The following PPP2R2D variants were observed in gnomAD, a reference collection of about 807,000 sequenced individuals.
The protein encoded by PPP2R2D is protein phosphatase 2 regulatory subunit Bdelta, also known as serine/threonine-protein phosphatase 2A 55 kDa regulatory subunit B delta isoform.
In PPP2R2D, 9 loss-of-function variants were observed where a neutral mutation model predicts 31.1. The observed-to-expected ratio is 0.29, with a 90% CI of 0.17 to 0.51. The LOEUF (loss-of-function observed/expected upper bound fraction) is 0.51. Ranked by LOEUF, PPP2R2D falls within the 20% of genes least tolerant of loss-of-function variation. The pLI is 0.98. For missense variants in PPP2R2D, 391 were observed against 465.6 expected (o/e 0.84, Z 1.48); for synonymous variants, 179 against 172.6 (o/e 1.04, Z -0.29).
rs568754946 is a variant in PPP2R2D at position 131,947,019 on chromosome 10, G to C, written c.821-511G>C. Among the ~76,000 whole-genome samples, 1 of 152,062 alleles carries C rather than the reference G, an allele frequency of 6.6e-6. No individual in the cohort carries two copies. The highest frequency in any genetic ancestry group is 6.6e-5 in the Admixed American group (1 of 15,250). ...CACTCCTGCAGACCCACAAACTGTC[G>C]ACCCTCCAAAAAGCAGGCAGTTTCT... On this transcript the variant is annotated intron_variant, in intron 7 of 8. Transcript: ENST00000455566. The surrounding 1 kb of genome is among the most constrained non-coding windows in gnomAD (Gnocchi z 4.3).
intron 2 of PPP2R2D, among the ~76,000 whole-genome samples, chr10:131,919,846 G>T (rs1554893973): frequency 1.5e-5 from 2 of 136,104 alleles, no homozygotes; most frequent in East Asian, 2.6e-4. Context: ...ACCTCAGGTG[G>T]GTGGAATGAC....
At chr10:131,942,808 T>A (rs954422972) in intron 5 of PPP2R2D, among the ~76,000 whole-genome samples, 5 of 152,226 alleles carry the variant, frequency 3.3e-5, no homozygotes, top group Non-Finnish European at 7.3e-5. Flanking sequence ...ATGGGAAATT[T>A]GTTAGAGGAT....
rs370741632 is a variant in PPP2R2D, at chr10:131,945,306, A to G, written c.667A>G (p.Ile223Val). 9 of 1,613,614 alleles carry G rather than the reference A, an allele frequency of 5.6e-6. No individual in the cohort carries two copies. In the African/African-American group the frequency reaches 9.3e-5, roughly 17 times the overall value. Residue 223 changes from isoleucine (I) to valine (V), a missense_variant, in exon 7 of 9, where the codon ATC becomes GTC. By Grantham distance (29) the Ile-to-Val change is conservative (BLOSUM62 3). Around this residue, in one of 3 missense-constraint regions of PPP2R2D, gnomAD observed 123 missense variants for 187.7 expected, o/e 0.66. Transcript: ENST00000455566. The surrounding 1 kb of genome is among the most constrained non-coding windows in gnomAD (Gnocchi z 4.8). ...CCATGCACTCCCAGACATCGTGGACATCAAGCCTGCTAACATGGAGGAGCT... is the reference window on the plus strand; with the variant it reads ...CCATGCACTCCCAGACATCGTGGACGTCAAGCCTGCTAACATGGAGGAGCT... ...ITDRSFNIVD[I>V]KPANMEELTE...
At chr10:131,918,833 G>GCA (rs2035892104) in intron 2 of PPP2R2D, among the ~76,000 whole-genome samples, 1 of 149,962 alleles carries the variant, frequency 6.7e-6, no homozygotes, top group African/African-American at 2.5e-5. Context: ...GACCTCACGG[G>GCA]GGTGGAATGA....
At chr10:131,965,032 C>G in the PPP2R2D span, among the ~76,000 whole-genome samples, 1 of 152,126 alleles carries the variant, frequency 6.6e-6, no homozygotes, top group Non-Finnish European at 1.5e-5. Flanking sequence ...TAGCTTTTTT[C>G]ACATAAAGTA....
rs782780712 is a variant in PPP2R2D, at chr10:131,947,553, A to G, written c.844A>G (p.Ser282Gly). Reference sequence around the variant, plus strand: ...AGTTTTTGAAGAGCCTGAAGATCCCAGCAGTAGGTCCTTCTTCTCAGAAAT... The same window carrying G: ...AGTTTTTGAAGAGCCTGAAGATCCCGGCAGTAGGTCCTTCTTCTCAGAAAT... ...SKFFEEPEDP[S>G]SRSFFSEIIS... The change falls in exon 8 of 9, where the codon AGC (serine) becomes GGC (glycine). Residue 282 changes from serine to glycine, a missense_variant. By Grantham distance (56) the Ser-to-Gly change is moderately conservative. Coordinates refer to ENST00000455566, the MANE Select transcript of PPP2R2D (RefSeq NM_018461.5). The surrounding 1 kb of genome is among the most constrained non-coding windows in gnomAD (Gnocchi z 4.3). The G allele has an allele frequency of 6.2e-7, 1 of 1,614,114 alleles. No homozygotes were observed. The highest frequency in any genetic ancestry group is 2.2e-5 in the East Asian group (1 of 44,880).
intron 2 of PPP2R2D, among the ~76,000 whole-genome samples, chr10:131,933,208 G>A (rs141355180): frequency 2.0e-4 from 30 of 152,278 alleles, no homozygotes; most frequent in South Asian, 6.2e-4. Context: ...TGCCAGCCGC[G>A]GGAGCTTGCT....
intron 8 of PPP2R2D, among the ~76,000 whole-genome samples, chr10:131,955,001 T>G (rs1475342994): frequency 2.0e-5 from 3 of 152,256 alleles, no homozygotes; most frequent in Non-Finnish European, 4.4e-5. Flanking sequence ...AATGTAAGAT[T>G]GCAGAGGTTT....
chr10:131,945,582 C>G lies in PPP2R2D; in HGVS notation c.820+123C>G. 1.7e-6 allele frequency: 2 copies of G among 1,192,104 alleles called. No individual in the cohort carries two copies. Among genetic ancestry groups the G allele is most frequent in the Non-Finnish European group, 1.2e-6 (1 of 868,758 alleles). The allele number at this position is 1,192,104 out of a possible 1,614,324, so 73.8% of individuals were successfully genotyped here. On this transcript the variant is annotated intron_variant, in intron 7 of 8. Transcript: ENST00000455566. This position sits in a 1 kb window ranked among gnomAD's most constrained non-coding sequence, Gnocchi z 4.8. ...TCCAGCAAGTCTTCTGCCTCGGCCTCCCGAGTAGCTGGGACCACAGGCAGG... is the reference window on the plus strand; with the variant it reads ...TCCAGCAAGTCTTCTGCCTCGGCCTGCCGAGTAGCTGGGACCACAGGCAGG...
chr10:131,915,368 C>T (rs1335512584), intron 2 of PPP2R2D, among the ~76,000 whole-genome samples: 1 of 152,058 alleles, frequency 6.6e-6, no homozygotes, highest in Non-Finnish European at 1.5e-5. Flanking sequence ...CCGTTGTTTG[C>T]CACCTCACAT....
chr10:131,960,054 G>A (rs539533689), downstream of PPP2R2D, among the ~76,000 whole-genome samples: 7 of 152,312 alleles, frequency 4.6e-5, no homozygotes, highest in South Asian at 1.0e-3. Flanking sequence ...GCTCTGGGGC[G>A]CCTGCGGGGG....
downstream of PPP2R2D, among the ~76,000 whole-genome samples, chr10:131,964,399 C>T (rs2036955002): frequency 6.6e-6 from 1 of 151,778 alleles, no homozygotes; most frequent in Non-Finnish European, 1.5e-5. Flanking sequence ...GCCGTGCACA[C>T]AGCTGTTGGA....
chr10:131,902,365 C>A (rs2035514283), intron 2 of PPP2R2D, among the ~76,000 whole-genome samples: 3 of 152,136 alleles, frequency 2.0e-5, no homozygotes, highest in African/African-American at 4.8e-5. Context: ...TCGGCCCCCC[C>A]AACCCCGTGA....
Position 131,957,393 on chromosome 10 carries a change from TGC to T in PPP2R2D, c.*1431_*1432del. 4.8e-6 allele frequency: 1 copy of T among 209,932 alleles called. No homozygotes were observed. The highest frequency in any genetic ancestry group is 9.7e-6 in the Non-Finnish European group (1 of 102,980). The allele number at this position is 209,932 out of a possible 1,614,324, so 13.0% of individuals were successfully genotyped here. ...GATGGAGGTGTGTGCTGCTCCCTCG[TGC>T]CCCTGTGGAGATGGAGGTGTGTGCT... is the stretch of plus-strand genomic sequence containing the variant. On this transcript the variant is annotated 3_prime_UTR_variant, in exon 9 of 9. Transcript: ENST00000455566.
chr10:131,934,615 G>C (rs889810521), intron 3 of PPP2R2D, 60 bp downstream of exon 3: 7 of 745,834 alleles, frequency 9.4e-6, no homozygotes, highest in African/African-American at 1.7e-5. Flanking sequence ...ATATAACTTA[G>C]AAGGGAGGAA....
At position 131,941,778 on chromosome 10, in the gene PPP2R2D, G is replaced by T. The variant is rs527924146; in HGVS notation, c.477+1084G>T. Among the ~76,000 whole-genome samples, 4 of 152,264 alleles carry T rather than the reference G, an allele frequency of 2.6e-5. No homozygotes were observed. In the South Asian group the frequency reaches 6.2e-4, roughly 24 times the overall value. The stretch of plus-strand genomic sequence containing the variant: ...TGCCATTTCTCCAGCTTTGCCGTGT[G>T]GGGTGGCTACACCTGGGGTTGTGCA... On this transcript the variant is annotated intron_variant, in intron 5 of 8. Transcript: ENST00000455566.
chr10:131,946,057 C>CCCGTTG (rs2036533829), intron 7 of PPP2R2D: 1 of 152,016 alleles, frequency 6.6e-6, no homozygotes, highest in Non-Finnish European at 1.5e-5. Flanking sequence ...CCAAGAGCCA[C>CCCGTTG]CCGTTGCCTC....
At chr10:131,937,342 G>A (rs1241352918) in intron 3 of PPP2R2D, among the ~76,000 whole-genome samples, 3 of 152,186 alleles carry the variant, frequency 2.0e-5, no homozygotes, top group South Asian at 2.1e-4. Context: ...GTGGCTGTGC[G>A]GCCCACTGCC....
downstream of PPP2R2D, among the ~76,000 whole-genome samples, chr10:131,964,032 G>A (rs953504459): frequency 2.0e-5 from 3 of 152,196 alleles, no homozygotes; most frequent in African/African-American, 7.2e-5. Context: ...GAGCACTTGG[G>A]AAGTGTGGGC....
Sources: allele counts gnomAD v4.1 joint callset (sites outside exome capture counted in the v4.1 genomes callset), GRCh38; gene constraint gnomAD v4.1.1; regional missense constraint gnomAD v4.1.1; non-coding constraint Gnocchi (gnomAD v3.1); transcripts MANE v1.5; gene names NCBI Gene and HGNC (gene_info 2026-07-23, HGNC 2026-07-21).